Variants in FRRS1L observed in about 807,000 individuals in gnomAD.
The protein encoded by FRRS1L is ferric chelate reductase 1 like.
In FRRS1L, 22 loss-of-function variants were observed where a neutral mutation model predicts 28.6. The ratio of observed to expected loss-of-function variants is 0.77; its 90% CI spans 0.55 to 1.10. The LOEUF is 1.10. FRRS1L is among the 50% of genes least tolerant of loss of function. FRRS1L has a pLI of 0.00. For missense variants in FRRS1L, 380 were observed against 386.9 expected, an observed-to-expected ratio of 0.98 and a Z score of 0.15; for synonymous variants, 158 against 151.4, an observed-to-expected ratio of 1.04 and a Z score of -0.32.
chr9:109,137,654 G>A, intron 4 of FRRS1L, 27 bp from the exon 5 acceptor site: 2 of 1,441,750 alleles, frequency 1.4e-6, no homozygotes, highest in Non-Finnish European at 1.9e-6. Flanking sequence ...GAAGAGCAGG[G>A]GCAATTGAAA....
chr9:109,163,789 C>A (rs896596327), intron 1 of FRRS1L, among the ~76,000 whole-genome samples: 4 of 152,178 alleles, frequency 2.6e-5, no homozygotes, highest in African/African-American at 9.7e-5. Flanking sequence ...AATGGACAAC[C>A]TCAAGTGTAT....
intron 3 of FRRS1L, among the ~76,000 whole-genome samples, chr9:109,145,679 A>G (rs1185859800): frequency 6.6e-6 from 1 of 152,004 alleles, no homozygotes; most frequent in Admixed American, 6.6e-5. Context: ...ATGCCATTGC[A>G]CTCCAGCCTG....
intron 3 of FRRS1L, among the ~76,000 whole-genome samples, chr9:109,142,637 G>C (rs1376015685): frequency 6.6e-6 from 1 of 152,050 alleles, no homozygotes; most frequent in Admixed American, 6.6e-5. Flanking sequence ...AATACAGTGA[G>C]ACACTATCTC....
chr9:109,137,862 TC>T lies in FRRS1L; in HGVS notation c.710-236del, dbSNP rs1831134949. The T allele has an allele frequency of 2.1e-5, 5 of 240,240 alleles. No homozygotes were observed. In the East Asian group the frequency reaches 3.7e-4, roughly 18 times the overall value. 14.9% of individuals were successfully genotyped at this position (240,240 alleles called of 1,614,324 possible). On this transcript the variant is annotated intron_variant, in intron 4 of 4. Transcript: ENST00000561981. ...AAGACTAGTTCTTATTAATCTGCACTCCCCCATCAGAACAATGCTGTTGATC... is the reference window on the plus strand; with the variant it reads ...AAGACTAGTTCTTATTAATCTGCACTCCCCATCAGAACAATGCTGTTGATC...
At chr9:109,155,983 G>C (rs898130929) in intron 1 of FRRS1L, among the ~76,000 whole-genome samples, 1 of 152,118 alleles carries the variant, frequency 6.6e-6, no homozygotes, top group Non-Finnish European at 1.5e-5. Flanking sequence ...AAAAAAAATG[G>C]ATGCTTGCAT....
At chr9:109,162,505 G>A (rs1411062735) in intron 1 of FRRS1L, among the ~76,000 whole-genome samples, 1 of 152,074 alleles carries the variant, frequency 6.6e-6, no homozygotes, top group Non-Finnish European at 1.5e-5. Context: ...ACTTTCTGTG[G>A]GTCAGTTTCT....
rs1016537947 is a variant in FRRS1L at position 109,135,941 on chromosome 9, AT to A, written c.*1513del. 3.3e-5 allele frequency: 5 copies of A among 151,974 alleles called. No homozygotes were observed. The highest frequency in any genetic ancestry group is 1.2e-4 in the African/African-American group (5 of 41,466). 9.4% of individuals were successfully genotyped at this position (151,974 alleles called of 1,614,324 possible). A position where few individuals can be genotyped will look rare whatever the true frequency, so the allele number is the denominator to read the frequency against. On this transcript the variant is annotated 3_prime_UTR_variant, in exon 5 of 5. Coordinates refer to ENST00000561981, the MANE Select transcript of FRRS1L (RefSeq NM_014334.4). Reference sequence around the variant, plus strand: ...TAAGATGTTTTGTCTGATATAACACATTTTTAGGCCAGGCACGGTGGCTCAC... The same window carrying A: ...TAAGATGTTTTGTCTGATATAACACATTTTAGGCCAGGCACGGTGGCTCAC...
intron 3 of FRRS1L, among the ~76,000 whole-genome samples, chr9:109,146,326 T>C (rs1354705392): frequency 6.6e-6 from 1 of 152,220 alleles, no homozygotes; most frequent in Admixed American, 6.5e-5. Context: ...CCCAGATTTA[T>C]AGCTGGCTGG....
chr9:109,156,309 C>T (rs1334893564), intron 1 of FRRS1L, among the ~76,000 whole-genome samples: 3 of 152,208 alleles, frequency 2.0e-5, no homozygotes, highest in Non-Finnish European at 2.9e-5. Context: ...CTCATTTTCA[C>T]ATGTGTTTTC....
intron 1 of FRRS1L, among the ~76,000 whole-genome samples, chr9:109,158,157 T>A (rs1369369829): frequency 6.6e-6 from 1 of 152,242 alleles, no homozygotes; most frequent in East Asian, 1.9e-4. Flanking sequence ...AAGATTTTTT[T>A]AACTGATTCA....
rs1416312833 is a variant in FRRS1L, at chr9:109,133,309, G to C, written c.*4146C>G. The C allele has an allele frequency of 3.3e-5, 5 of 152,110 alleles. No homozygotes were observed. Among genetic ancestry groups the C allele is most frequent in the African/African-American group, 1.2e-4 (5 of 41,434 alleles). 9.4% of individuals were successfully genotyped at this position (152,110 alleles called of 1,614,324 possible). ...CCTATTAAAAGAACTAAAATGACTG[G>C]TAAAATAAAGAATCAAAATGCTTTT... is the stretch of plus-strand genomic sequence containing the variant. On this transcript the variant is annotated 3_prime_UTR_variant, in exon 5 of 5. Coordinates refer to ENST00000561981, the MANE Select transcript of FRRS1L (RefSeq NM_014334.4).
At chr9:109,144,786 C>T (rs1465108373) in intron 3 of FRRS1L, among the ~76,000 whole-genome samples, 2 of 151,978 alleles carry the variant, frequency 1.3e-5, no homozygotes, top group Non-Finnish European at 1.5e-5. Flanking sequence ...TGGGTTCAAG[C>T]GATTCTCCCG....
chr9:109,163,295 T>C (rs1425343583), intron 1 of FRRS1L, among the ~76,000 whole-genome samples: 1 of 152,164 alleles, frequency 6.6e-6, no homozygotes, highest in Non-Finnish European at 1.5e-5. Flanking sequence ...TAAGATCCTA[T>C]CTGAACTCCT....
At chr9:109,152,803 CAAAAAAAAAAAAAAAAAAAAAAA>C (rs59385693) in intron 1 of FRRS1L, among the ~76,000 whole-genome samples, 2 of 24,116 alleles carry the variant, frequency 8.3e-5, no homozygotes, top group African/African-American at 2.5e-4. Context: ...GACTCCATCT[CAAAAAAAAAAAAAAAAAAAAAAA>C]AAAAAAAAAA....
At chr9:109,151,684 A>G (rs1831331662) in intron 1 of FRRS1L, 1 of 166,232 alleles carries the variant, frequency 6.0e-6, no homozygotes, top group South Asian at 1.6e-4. Context: ...AATAAATGTA[A>G]TGTACTTGAA....
At chr9:109,165,744 G>A (rs1831540567) in intron 1 of FRRS1L, among the ~76,000 whole-genome samples, 1 of 152,168 alleles carries the variant, frequency 6.6e-6, no homozygotes, top group Admixed American at 6.5e-5. Flanking sequence ...TATAAAAATT[G>A]TTATATGAAA....
intron 3 of FRRS1L, among the ~76,000 whole-genome samples, chr9:109,143,542 A>G (rs1207481011): frequency 7.1e-6 from 1 of 141,142 alleles, no homozygotes; most frequent in African/African-American, 2.7e-5. Context: ...TCCCCGACAG[A>G]GTCTCACTGT....
rs189420015 is a variant in FRRS1L at position 109,165,030 on chromosome 9, C to T, written c.238+1871G>A. 2.7e-4 allele frequency among the ~76,000 whole-genome samples: 41 copies of T among 152,338 alleles called. No homozygotes were observed. The East Asian group carries it at 4.2e-3, about 16-fold the overall frequency. On this transcript the variant is annotated intron_variant, in intron 1 of 4. Coordinates refer to ENST00000561981, the MANE Select transcript of FRRS1L (RefSeq NM_014334.4). ...AGGACGTACAGAATCTGAGCTTATC[C>T]TTCATTTGTTAGATGCATGAGCCCA...
rs187546702 is a variant in FRRS1L, at chr9:109,136,333, T to C, written c.*1122A>G. On this transcript the variant is annotated 3_prime_UTR_variant, in exon 5 of 5. Transcript: ENST00000561981. Reference sequence around the variant, plus strand: ...AGATGAATACCTTAGTTTTATAAAATTCAGTGGTAGAAAAGTTCAAATTCT... The same window carrying C: ...AGATGAATACCTTAGTTTTATAAAACTCAGTGGTAGAAAAGTTCAAATTCT... 3 of 151,410 alleles carry C rather than the reference T, an allele frequency of 2.0e-5. No individual in the cohort carries two copies. The East Asian group carries it at 5.8e-4, about 29-fold the overall frequency. 9.4% of individuals were successfully genotyped at this position (151,410 alleles called of 1,614,324 possible). A position where few individuals can be genotyped will look rare whatever the true frequency, so the allele number is the denominator to read the frequency against.
Sources: allele counts gnomAD v4.1 joint callset (sites outside exome capture counted in the v4.1 genomes callset), GRCh38; gene constraint gnomAD v4.1.1; transcripts MANE v1.5; gene names NCBI Gene and HGNC (gene_info 2026-07-23, HGNC 2026-07-21).